Variants in SCMH1 observed in about 807,000 individuals in gnomAD.
SCMH1 encodes the protein Scm polycomb group protein homolog 1, also known as polycomb protein SCMH1.
Under a neutral mutation model 70.8 loss-of-function variants are expected in SCMH1, and 37 were observed. The observed-to-expected ratio is 0.52, with a 90% CI of 0.40 to 0.69. The LOEUF is 0.69. SCMH1 is among the 30% of genes least tolerant of loss of function. The pLI is 0.00. For missense variants in SCMH1, 607 were observed against 827.3 expected (o/e 0.73, Z 3.27); for synonymous variants, 292 against 307.4 (o/e 0.95, Z 0.52).
rs933969185 is a variant in SCMH1 at position 41,131,555 on chromosome 1, T to C, written c.412+11323A>G. 2.6e-5 allele frequency among the ~76,000 whole-genome samples: 4 copies of C among 152,292 alleles called. No homozygotes were observed. In the South Asian group the frequency reaches 6.2e-4, roughly 24 times the overall value. On this transcript the variant is annotated intron_variant, in intron 6 of 14. Coordinates refer to ENST00000337495, the Ensembl canonical transcript of SCMH1. Reference sequence around the variant, plus strand: ...TTTCTTTTTTCTAATTTTTCAACTATTATTATTTTGTATTATACTTTAAAT... The same window carrying C: ...TTTCTTTTTTCTAATTTTTCAACTACTATTATTTTGTATTATACTTTAAAT...
Position 41,129,185 on chromosome 1 carries a change from A to G in SCMH1, c.413-12175T>C, listed in dbSNP as rs142730785. On this transcript the variant is annotated intron_variant, in intron 6 of 14. Coordinates refer to ENST00000337495, the Ensembl canonical transcript of SCMH1. ...TCTCTTGCTTGTTTGCATGCCTGGT[A>G]ATTTTTTTTGTGGTAAAATATATAT... Among the ~76,000 whole-genome samples the G allele has an allele frequency of 2.8e-4, 43 of 152,158 alleles. No individual in the cohort carries two copies. In the East Asian group the frequency reaches 7.7e-3, roughly 27 times the overall value.
At chr1:41,086,898 A>AC (rs1661851359) in intron 8 of SCMH1, among the ~76,000 whole-genome samples, 1 of 149,802 alleles carries the variant, frequency 6.7e-6, no homozygotes, top group Non-Finnish European at 1.5e-5. Context: ...CAAAAAAAAA[A>AC]AAAAAACCCC....
intron 1 of SCMH1, among the ~76,000 whole-genome samples, chr1:41,199,341 C>A (rs1653752468): frequency 1.3e-5 from 2 of 152,158 alleles, no homozygotes; most frequent in African/African-American, 4.8e-5. Flanking sequence ...GTCTTGACTT[C>A]TATCACCGTA....
intron 4 of SCMH1, among the ~76,000 whole-genome samples, chr1:41,158,646 C>T (rs1035312698): frequency 2.6e-5 from 4 of 152,078 alleles, no homozygotes; most frequent in African/African-American, 4.8e-5. Flanking sequence ...CAGTCATTAG[C>T]GAGCCAAATA....
chr1:41,205,149 G>T (rs1655216770), intron 1 of SCMH1, among the ~76,000 whole-genome samples: 1 of 152,206 alleles, frequency 6.6e-6, no homozygotes, highest in Non-Finnish European at 1.5e-5. Flanking sequence ...GGTGATTTCT[G>T]CATTTCCAAC....
chr1:41,128,812 T>C (rs575397883), intron 6 of SCMH1, among the ~76,000 whole-genome samples: 29 of 152,282 alleles, frequency 1.9e-4, no homozygotes, highest in African/African-American at 7.0e-4. Flanking sequence ...AGTTGTTCCA[T>C]GGCTCACTGA....
chr1:41,093,361 G>A lies in SCMH1; in HGVS notation c.746-17910C>T, dbSNP rs764334307. On this transcript the variant is annotated intron_variant, in intron 8 of 14. Coordinates refer to ENST00000337495, the Ensembl canonical transcript of SCMH1. ...ACACAGGGTGAGGAACATCACACAC[G>A]GGGCTGTCATGGGGTGGGGGGAGGG... Among the ~76,000 whole-genome samples the A allele has an allele frequency of 1.0e-3, 134 of 133,242 alleles. 2 individuals are homozygous for A. The highest frequency in any genetic ancestry group is 3.9e-3 in the Admixed American group (49 of 12,512). 87.4% of individuals were successfully genotyped at this position (133,242 alleles called of 152,430 possible).
intron 6 of SCMH1, among the ~76,000 whole-genome samples, chr1:41,124,097 A>G (rs540726915): frequency 3.3e-5 from 5 of 152,138 alleles, no homozygotes; most frequent in Non-Finnish European, 7.3e-5. Context: ...ATAAACCTAG[A>G]GAAAATAGCA....
At chr1:41,235,127 G>C (rs1329120090) in intron 1 of SCMH1, among the ~76,000 whole-genome samples, 1 of 152,012 alleles carries the variant, frequency 6.6e-6, no homozygotes, top group Admixed American at 6.6e-5. Context: ...AGATTGAATA[G>C]GCCACTTGAA....
chr1:41,028,293 C>G, exon 15 of SCMH1: 1 of 1,613,852 alleles, frequency 6.2e-7, no homozygotes. Context: ...CACTGCGCAG[C>G]AGCAGCAGGG....
At chr1:41,030,989 G>A (rs756293051) in intron 13 of SCMH1, among the ~76,000 whole-genome samples, 4 of 152,188 alleles carry the variant, frequency 2.6e-5, no homozygotes, top group Admixed American at 6.5e-5. Context: ...AAGTGGCAGA[G>A]CTAACACACA....
intron 2 of SCMH1, 181 bp downstream of exon 2, chr1:41,185,940 A>G (rs748155503): frequency 1.4e-5 from 7 of 487,942 alleles, no homozygotes; most frequent in Non-Finnish European, 2.1e-5. Context: ...GTATTTAAAA[A>G]GCAAAACTTC....
chr1:41,178,720 C>T (rs1386258029), intron 2 of SCMH1, among the ~76,000 whole-genome samples: 4 of 152,200 alleles, frequency 2.6e-5, no homozygotes, highest in Admixed American at 1.3e-4. Flanking sequence ...TACAGGAGCA[C>T]CCAGATTCAT....
At chr1:41,134,898 T>C (rs564196742) in intron 6 of SCMH1, among the ~76,000 whole-genome samples, 1 of 152,314 alleles carries the variant, frequency 6.6e-6, no homozygotes, top group South Asian at 2.1e-4. Context: ...TTTTCTGGTT[T>C]ATTATTTTTT....
intron 10 of SCMH1, 98 bp downstream of exon 10, chr1:41,070,497 T>C: frequency 7.0e-7 from 1 of 1,430,092 alleles, no homozygotes; most frequent in South Asian, 1.5e-5. Context: ...TACCTAGGTT[T>C]ACAAGTGGAA....
intron 10 of SCMH1, among the ~76,000 whole-genome samples, chr1:41,059,216 G>A (rs1651695751): frequency 6.6e-6 from 1 of 152,206 alleles, no homozygotes; most frequent in Admixed American, 6.5e-5. Flanking sequence ...GCAATTCCCT[G>A]GCAAAGGCCC....
At chr1:41,190,450 G>A (rs1433014752) in intron 1 of SCMH1, among the ~76,000 whole-genome samples, 1 of 152,206 alleles carries the variant, frequency 6.6e-6, no homozygotes, top group Non-Finnish European at 1.5e-5. Flanking sequence ...CCAAAAGTGG[G>A]ATAAGCTCTC....
At chr1:41,103,345 T>C (rs542809209) in intron 8 of SCMH1, among the ~76,000 whole-genome samples, 1 of 152,166 alleles carries the variant, frequency 6.6e-6, no homozygotes, top group Non-Finnish European at 1.5e-5. Flanking sequence ...TTTCACCATG[T>C]TGGCCAGGCT....
chr1:41,193,495 A>G (rs1439471189), intron 1 of SCMH1, among the ~76,000 whole-genome samples: 1 of 152,016 alleles, frequency 6.6e-6, no homozygotes, highest in African/African-American at 2.4e-5. Flanking sequence ...CTGGGAAAAC[A>G]GAAGGGAATG....
Sources: allele counts gnomAD v4.1 joint callset (sites outside exome capture counted in the v4.1 genomes callset), GRCh38; gene constraint gnomAD v4.1.1; transcripts MANE v1.5; gene names NCBI Gene and HGNC (gene_info 2026-07-23, HGNC 2026-07-21).